The following TRPS1 variants were observed in gnomAD, a reference collection of about 807,000 sequenced individuals.
TRPS1 encodes zinc finger transcription factor Trps1.
A neutral mutation model predicts 101.2 loss-of-function variants in TRPS1; 6 were observed. The ratio of observed to expected loss-of-function variants is 0.06; its 90% confidence interval spans 0.03 to 0.12. The LOEUF is 0.12. Ranked by LOEUF, TRPS1 falls within the 10% of genes least tolerant of loss-of-function variation. The probability of loss-of-function intolerance (pLI) is 1.00; values close to 1 mark genes in which losing one functional copy is unlikely to be tolerated. For missense variants in TRPS1, 1,363 were observed against 1,567.0 expected, an observed-to-expected ratio of 0.87 and a Z score of 2.20; for synonymous variants, 578 against 589.8, an observed-to-expected ratio of 0.98 and a Z score of 0.29.
intron 5 of TRPS1, among the ~76,000 whole-genome samples, chr8:115,576,842 CAGT>C (rs1294782249): frequency 1.3e-5 from 2 of 152,104 alleles, no homozygotes; most frequent in Non-Finnish European, 2.9e-5. Flanking sequence ...CAAAAACACT[CAGT>C]AGTCACACAG....
intron 1 of TRPS1, among the ~76,000 whole-genome samples, chr8:115,637,712 A>G (rs779521451): frequency 4.6e-5 from 7 of 152,214 alleles, no homozygotes; most frequent in Non-Finnish European, 1.0e-4. Flanking sequence ...ACAGTATCCC[A>G]TAAATGAGTA....
At position 115,547,720 on chromosome 8, in the gene TRPS1, C is replaced by T. The variant is rs1232157154; in HGVS notation, c.2700+39281G>A. ...CCCGGGAAAGGCTTCATTCCTTTCA[C>T]TCCCGAAGAGTAGCTGCCTTTATCT... On this transcript the variant is annotated intron_variant, in intron 5 of 6. Transcript: ENST00000395715. Among the ~76,000 whole-genome samples, 5 of 152,188 alleles carry T rather than the reference C, an allele frequency of 3.3e-5. No individual in the cohort carries two copies. The South Asian group carries it at 1.0e-3, about 32-fold the overall frequency.
At chr8:115,619,106 A>G (rs1340644774) in intron 3 of TRPS1, 26 bp downstream of exon 3, 8 of 1,612,000 alleles carry the variant, frequency 5.0e-6, no homozygotes, top group Admixed American at 1.7e-5. Context: ...CTTTTTCTGT[A>G]CAAAGAGACA....
intron 5 of TRPS1, among the ~76,000 whole-genome samples, chr8:115,586,313 G>A (rs911643826): frequency 3.9e-5 from 6 of 152,118 alleles, no homozygotes; most frequent in African/African-American, 1.2e-4. Flanking sequence ...GAGAGCAATC[G>A]AGGATCTTAC....
At chr8:115,580,373 A>G (rs188434455) in intron 5 of TRPS1, among the ~76,000 whole-genome samples, 1 of 152,136 alleles carries the variant, frequency 6.6e-6, no homozygotes, top group African/African-American at 2.4e-5. Context: ...TGCCTGTAAA[A>G]TGGACCCATC....
chr8:115,465,541 G>A (rs936621425), intron 5 of TRPS1, among the ~76,000 whole-genome samples: 1 of 151,946 alleles, frequency 6.6e-6, no homozygotes, highest in Non-Finnish European at 1.5e-5. Context: ...TCTTATGTAC[G>A]TTCATTGACC....
At chr8:115,578,528 T>C (rs1817372234) in intron 5 of TRPS1, among the ~76,000 whole-genome samples, 1 of 152,086 alleles carries the variant, frequency 6.6e-6, no homozygotes, top group South Asian at 2.1e-4. Flanking sequence ...GTCTTAAACA[T>C]ACTAGGATGT....
Position 115,546,335 on chromosome 8 carries a change from A to G in TRPS1, c.2700+40666T>C, listed in dbSNP as rs375860741. Among the ~76,000 whole-genome samples the G allele has an allele frequency of 3.9e-5, 6 of 152,204 alleles. No homozygotes were observed. In the South Asian group the frequency reaches 1.2e-3, roughly 32 times the overall value. ...AAAATGCTAAATAAACAAAAAATAT[A>G]AAAACATCGTACTAATAGGTGACTT... On this transcript the variant is annotated intron_variant, in intron 5 of 6. Transcript: ENST00000395715.
At chr8:115,603,582 C>T (rs1301223895) in intron 4 of TRPS1, among the ~76,000 whole-genome samples, 2 of 152,060 alleles carry the variant, frequency 1.3e-5, no homozygotes, top group Non-Finnish European at 2.9e-5. Context: ...GTAAACTCAT[C>T]AGCATTATTA....
At chr8:115,586,944 T>G in intron 5 of TRPS1, 57 bp downstream of exon 5, 3 of 1,608,244 alleles carry the variant, frequency 1.9e-6, no homozygotes, top group Non-Finnish European at 2.5e-6. Flanking sequence ...AAAGAATGTG[T>G]GTTCCTCCTT....
intron 3 of TRPS1, among the ~76,000 whole-genome samples, chr8:115,607,378 T>C (rs1271240256): frequency 2.7e-5 from 4 of 150,556 alleles, no homozygotes; most frequent in African/African-American, 9.7e-5. Flanking sequence ...AACTAAGCTA[T>C]AAAAAACGAG....
chr8:115,657,093 T>C (rs1563674362), intron 1 of TRPS1, among the ~76,000 whole-genome samples: 1 of 152,116 alleles, frequency 6.6e-6, no homozygotes, highest in Admixed American at 6.5e-5. Context: ...CAAGTTAACA[T>C]CCCAGTGATT....
chr8:115,557,499 C>T (rs188593282), intron 5 of TRPS1, among the ~76,000 whole-genome samples: 1 of 152,082 alleles, frequency 6.6e-6, no homozygotes, highest in African/African-American at 2.4e-5. Context: ...GGAGCAGTTA[C>T]CCCTTGTTGT....
At chr8:115,460,879 C>T (rs977660856) in intron 5 of TRPS1, among the ~76,000 whole-genome samples, 15 of 152,118 alleles carry the variant, frequency 9.9e-5, no homozygotes, top group Non-Finnish European at 2.2e-4. Flanking sequence ...AGAAACAATG[C>T]CTCATATTAG....
intron 5 of TRPS1, chr8:115,510,981 A>G (rs1815569020): frequency 6.6e-6 from 1 of 151,962 alleles, no homozygotes; most frequent in South Asian, 2.1e-4. Flanking sequence ...TTAGTCTTAT[A>G]GTAGTTTGTT....
rs143761397 is a variant in TRPS1 at position 115,626,287 on chromosome 8, G to GA, written c.-121-2530dup. ...ATATGTGTTTGCTCATTGGTTTAGGGAAAAAAAAAAAACACTTGAATCCTG... is the reference window on the plus strand; with the variant it reads ...ATATGTGTTTGCTCATTGGTTTAGGGAAAAAAAAAAAAACACTTGAATCCTG... On this transcript the variant is annotated intron_variant, in intron 1 of 6. Coordinates refer to ENST00000395715, the MANE Select transcript of TRPS1 (RefSeq NM_014112.5). Among the ~76,000 whole-genome samples the GA allele has an allele frequency of 6.6e-3, 894 of 134,744 alleles. 4 individuals carry two copies. Among genetic ancestry groups the GA allele is most frequent in the South Asian group, 0.013 (57 of 4,316 alleles). 88.4% of individuals were successfully genotyped at this position (134,744 alleles called of 152,430 possible).
chr8:115,419,500 A>G (rs954181143), intron 5 of TRPS1, among the ~76,000 whole-genome samples: 1 of 152,166 alleles, frequency 6.6e-6, no homozygotes. Context: ...CTGGAACCTA[A>G]TTTTATTATA....
At position 115,413,998 on chromosome 8, in the gene TRPS1, T is replaced by C; in HGVS notation, c.*25A>G. The C allele has an allele frequency of 6.2e-7, 1 of 1,607,800 alleles. No individual in the cohort carries two copies. The highest frequency in any genetic ancestry group is 8.5e-7 in the Non-Finnish European group (1 of 1,176,684). ...TTCCCATCAAGAAAACCTATTTCTA[T>C]TTAATTGTGCTAAGTGCTAAGGTTT... On this transcript the variant is annotated 3_prime_UTR_variant, in exon 7 of 7. Coordinates refer to ENST00000395715, the MANE Select transcript of TRPS1 (RefSeq NM_014112.5).
chr8:115,414,307 G>A lies in TRPS1; in HGVS notation c.3601C>T (p.Pro1201Ser). 2 of 1,613,846 alleles carry A rather than the reference G, an allele frequency of 1.2e-6. No homozygotes were observed. Among genetic ancestry groups the A allele is most frequent in the Non-Finnish European group, 1.7e-6 (2 of 1,179,926 alleles). Residue 1201 changes from proline to serine, a missense_variant, in exon 7 of 7, where the codon CCA (proline) becomes TCA (serine). Pro to Ser is a moderately conservative substitution (Grantham distance 74). Transcript: ENST00000395715. The surrounding 1 kb of genome is among the most constrained non-coding windows in gnomAD (Gnocchi z 4.8). The part of the protein sequence containing the change: ...NGASKEKTKA[P>S]PNVKNEGPLN... Reference sequence around the variant, plus strand: ...GGACCTTCATTTTTTACATTTGGTGGTGCCTTCGTTTTCTCCTTGGAGGCA... The same window carrying A: ...GGACCTTCATTTTTTACATTTGGTGATGCCTTCGTTTTCTCCTTGGAGGCA...
Sources: gnomAD v4.1 joint callset for allele counts (sites outside exome capture counted in the v4.1 genomes callset) on GRCh38, gnomAD v4.1.1 for gene constraint, Gnocchi (gnomAD v3.1) non-coding constraint, MANE v1.5 for transcripts, NCBI Gene and HGNC (gene_info 2026-07-23, HGNC 2026-07-21) for gene names.